HLCS: variants seen among roughly 807,000 people sequenced by gnomAD.
HLCS encodes holocarboxylase synthetase.
A neutral mutation model predicts 75.0 loss-of-function variants in HLCS; 53 were observed. That is an observed-to-expected ratio of 0.71 (90% confidence interval 0.57 to 0.89). The LOEUF (loss-of-function observed/expected upper bound fraction) is 0.89, where lower values mean the gene tolerates loss of function less well. Among genes scored for constraint, HLCS ranks in the 40% least tolerant of loss-of-function variants. The pLI is 0.00. For synonymous variants in HLCS, 431 were observed against 428.6 expected, an observed-to-expected ratio of 1.01 and a Z score of -0.07; for missense variants, 966 against 1,074.0, an observed-to-expected ratio of 0.90 and a Z score of 1.41.
chr21:36,962,243 G>C, intron 1 of HLCS, 73 bp from the exon 2 acceptor site: 1 of 1,014,886 alleles, frequency 9.9e-7, no homozygotes, highest in Non-Finnish European at 1.3e-6. Flanking sequence ...AACCCCCTCT[G>C]AAACATACCC....
In HLCS at chr21:36,954,403, A is replaced by G. The variant is rs147572071; in HGVS notation, c.330+7633T>C. 7.4e-3 allele frequency among the ~76,000 whole-genome samples: 1,129 copies of G among 151,846 alleles called. 13 individuals are homozygous for G. The highest frequency in any genetic ancestry group is 0.025 in the African/African-American group (1,048 of 41,438). The stretch of plus-strand genomic sequence containing the variant: ...GCTGAGGCAGGCAGATCACGAGGTC[A>G]GGAGATCGAGACCATCCTGGCTAAC... On this transcript the variant is annotated intron_variant, in intron 2 of 10. Coordinates refer to ENST00000674895, the MANE Select transcript of HLCS (RefSeq NM_001352514.2).
intron 5 of HLCS, among the ~76,000 whole-genome samples, chr21:36,908,823 C>G (rs980863018): frequency 2.0e-5 from 3 of 152,212 alleles, no homozygotes; most frequent in South Asian, 4.1e-4. Context: ...AAAGGCCAAT[C>G]TAATCATCTA....
intron 1 of HLCS, among the ~76,000 whole-genome samples, chr21:36,964,021 A>T (rs559076295): frequency 2.5e-4 from 38 of 152,302 alleles, no homozygotes; most frequent in African/African-American, 8.4e-4. Context: ...CAGGAGTTTG[A>T]GACCAGCCTG....
intron 5 of HLCS, among the ~76,000 whole-genome samples, chr21:36,909,237 G>A (rs1259276374): frequency 1.3e-5 from 2 of 152,146 alleles, no homozygotes; most frequent in Non-Finnish European, 2.9e-5. Context: ...CGGAATACTG[G>A]AAATGTTCTG....
intron 6 of HLCS, among the ~76,000 whole-genome samples, chr21:36,889,039 C>T (rs910702011): frequency 6.6e-5 from 10 of 152,190 alleles, no homozygotes; most frequent in Admixed American, 2.6e-4. Context: ...TCTGCAAACG[C>T]ACCGTCAGGC....
chr21:36,964,086 G>A (rs973906450), intron 1 of HLCS, among the ~76,000 whole-genome samples: 1 of 151,806 alleles, frequency 6.6e-6, no homozygotes, highest in African/African-American at 2.4e-5. Context: ...TTAGCCAGGC[G>A]TGGTGGCTCA....
intron 5 of HLCS, among the ~76,000 whole-genome samples, chr21:36,915,035 C>A (rs1427071297): frequency 6.6e-6 from 1 of 152,246 alleles, no homozygotes; most frequent in Non-Finnish European, 1.5e-5. Flanking sequence ...CCAACGTGAC[C>A]ATTCACACGT....
chr21:36,904,124 G>T (rs1323544822), intron 5 of HLCS, among the ~76,000 whole-genome samples: 1 of 152,144 alleles, frequency 6.6e-6, no homozygotes, highest in Non-Finnish European at 1.5e-5. Flanking sequence ...CAGGTATTCT[G>T]TTATAGCAAC....
At chr21:36,852,466 A>G (rs1411632619) in intron 6 of HLCS, among the ~76,000 whole-genome samples, 1 of 152,136 alleles carries the variant, frequency 6.6e-6, no homozygotes, top group Non-Finnish European at 1.5e-5. Flanking sequence ...TGGATTTCCC[A>G]GACAATTCTG....
At chr21:36,895,443 A>G (rs1160700496) in intron 6 of HLCS, among the ~76,000 whole-genome samples, 1 of 152,160 alleles carries the variant, frequency 6.6e-6, no homozygotes, top group Non-Finnish European at 1.5e-5. Context: ...GAGAGTTAAG[A>G]AGCGCTGAAA....
chr21:36,838,055 A>T (rs2062474969), intron 6 of HLCS, among the ~76,000 whole-genome samples: 2 of 151,874 alleles, frequency 1.3e-5, no homozygotes, highest in African/African-American at 4.8e-5. Flanking sequence ...TTTAGAAACT[A>T]TTTTTTTTAG....
At chr21:36,939,435 A>G (rs558202685) in intron 2 of HLCS, among the ~76,000 whole-genome samples, 1 of 152,328 alleles carries the variant, frequency 6.6e-6, no homozygotes, top group Non-Finnish European at 1.5e-5. Context: ...CCCAGGGAGC[A>G]CATGAGACCT....
intron 6 of HLCS, among the ~76,000 whole-genome samples, chr21:36,834,564 CT>C (rs67083316): frequency 1.1e-4 from 16 of 150,394 alleles, no homozygotes; most frequent in African/African-American, 3.4e-4. Context: ...CCAGCAAACA[CT>C]TTTTTTTTTG....
intron 7 of HLCS, 41 bp from the exon 8 acceptor site, chr21:36,765,213 C>T (rs369981529): frequency 1.5e-4 from 243 of 1,602,206 alleles, no homozygotes; most frequent in Admixed American, 5.3e-4. Flanking sequence ...TACCTTGCCA[C>T]GTGGACAGAC....
In HLCS at chr21:36,962,165, A is replaced by G. The variant is rs2068331567; in HGVS notation, c.201T>C (p.Ile67=). 7.8e-7 allele frequency: 1 copy of G among 1,288,694 alleles called. No homozygotes were observed. Among genetic ancestry groups the G allele is most frequent in the Admixed American group, 2.3e-5 (1 of 43,512 alleles). The allele number at this position is 1,288,694 out of a possible 1,614,324, so 79.8% of individuals were successfully genotyped here. ...RVFCVSDSQS[I]EDLNKWALFL... is the part of the protein sequence containing the mutation. The stretch of plus-strand genomic sequence containing the variant: ...ATAGGGCCCACTTGTTCAAGTCTTC[A>G]ATGGACTGTATAGAGGGAAAGAAAT... Residue 67 remains isoleucine (I), a synonymous_variant, in exon 2 of 11, where the codon ATT becomes ATC. Coordinates refer to ENST00000674895, the MANE Select transcript of HLCS (RefSeq NM_001352514.2).
intron 6 of HLCS, among the ~76,000 whole-genome samples, chr21:36,768,633 C>T (rs2090126058): frequency 6.6e-6 from 1 of 152,202 alleles, no homozygotes; most frequent in Non-Finnish European, 1.5e-5. Flanking sequence ...GCTGTCTTCC[C>T]ACACGGCTGC....
At chr21:36,832,074 C>T (rs1407026310) in intron 6 of HLCS, among the ~76,000 whole-genome samples, 1 of 152,136 alleles carries the variant, frequency 6.6e-6, no homozygotes, top group Non-Finnish European at 1.5e-5. Context: ...TGTTCTTGCA[C>T]ATAAATTGGC....
At chr21:36,772,614 G>A (rs2060240372) in intron 6 of HLCS, among the ~76,000 whole-genome samples, 1 of 145,824 alleles carries the variant, frequency 6.9e-6, no homozygotes, top group South Asian at 2.2e-4. Flanking sequence ...ACTCCAGCCT[G>A]GGCAACAGAG....
intron 5 of HLCS, among the ~76,000 whole-genome samples, chr21:36,897,797 TCTCTA>T (rs1363619135): frequency 2.6e-5 from 4 of 152,234 alleles, no homozygotes; most frequent in African/African-American, 9.6e-5. Flanking sequence ...GGCACAGAGC[TCTCTA>T]CTCTATCCCC....
Sources: gnomAD v4.1 joint callset for allele counts (sites outside exome capture counted in the v4.1 genomes callset) on GRCh38, gnomAD v4.1.1 for gene constraint, MANE v1.5 for transcripts, NCBI Gene and HGNC (gene_info 2026-07-23, HGNC 2026-07-21) for gene names.